The following ELOVL6 variants were observed in gnomAD, a reference collection of about 807,000 sequenced individuals.
The protein encoded by ELOVL6 is very long chain fatty acid elongase 6.
ELOVL6 carries 8 observed loss-of-function variants against 31.7 expected under a neutral mutation model. The ratio of observed to expected loss-of-function variants is 0.25; its 90% CI spans 0.15 to 0.45. The LOEUF (loss-of-function observed/expected upper bound fraction) is 0.45. ELOVL6 is among the 20% of genes least tolerant of loss of function. ELOVL6 has a pLI of 1.00. For synonymous variants in ELOVL6, 101 were observed against 117.7 expected (o/e 0.86, Z 0.92); for missense variants, 126 against 326.4 (o/e 0.39, Z 4.73).
At chr4:110,171,113 T>C (rs1386803763) in intron 1 of ELOVL6, among the ~76,000 whole-genome samples, 3 of 152,136 alleles carry the variant, frequency 2.0e-5, no homozygotes, top group Non-Finnish European at 4.4e-5. Flanking sequence ...GCTCAGTCAA[T>C]GAGTATTAGG....
At chr4:110,063,747 C>CT (rs1324546139) in intron 2 of ELOVL6, among the ~76,000 whole-genome samples, 4 of 123,706 alleles carry the variant, frequency 3.2e-5, no homozygotes, top group African/African-American at 1.2e-4. Flanking sequence ...TATGGTCATA[C>CT]TTTAAAAAAA....
intron 1 of ELOVL6, among the ~76,000 whole-genome samples, chr4:110,130,771 C>T (rs895875615): frequency 1.3e-5 from 2 of 152,220 alleles, no homozygotes; most frequent in Admixed American, 6.5e-5. Flanking sequence ...GAAGCTCAAC[C>T]TGTCTGGCAG....
chr4:110,129,891 A>ATTTTTTTTT (rs371838858), intron 1 of ELOVL6, among the ~76,000 whole-genome samples: 9 of 93,530 alleles, frequency 9.6e-5, no homozygotes, highest in East Asian at 7.2e-4. Flanking sequence ...ATCCAATCCA[A>ATTTTTTTTT]TTTTTTTTTT....
chr4:110,122,347 C>CCT (rs1757379505), intron 1 of ELOVL6, among the ~76,000 whole-genome samples: 6 of 152,270 alleles, frequency 3.9e-5, no homozygotes, highest in Admixed American at 1.3e-4. Context: ...GGAATTTTAA[C>CCT]AGATTTGGCA....
intron 2 of ELOVL6, among the ~76,000 whole-genome samples, chr4:110,087,144 C>A (rs1756289907): frequency 6.6e-6 from 1 of 152,050 alleles, no homozygotes; most frequent in South Asian, 2.1e-4. Flanking sequence ...ATATAAATTT[C>A]CTATTCAATA....
intron 1 of ELOVL6, among the ~76,000 whole-genome samples, chr4:110,107,247 A>G (rs967318795): frequency 6.6e-6 from 1 of 152,216 alleles, no homozygotes; most frequent in Non-Finnish European, 1.5e-5. Context: ...AAATCAACCC[A>G]TAAGTAAATG....
At position 110,184,672 on chromosome 4, in the gene ELOVL6, G is replaced by C. The variant is rs537004394; in HGVS notation, c.89+13575C>G. On this transcript the variant is annotated intron_variant, in intron 1 of 3. Coordinates refer to ENST00000302274, the MANE Select transcript of ELOVL6 (RefSeq NM_024090.3). ...AAGTCAGTGGCAAGCACAATGAACCGAGAAAAAGGGAACTGACAGCCAACT... is the reference window on the plus strand; with the variant it reads ...AAGTCAGTGGCAAGCACAATGAACCCAGAAAAAGGGAACTGACAGCCAACT... Among the ~76,000 whole-genome samples, 3 of 152,254 alleles carry C rather than the reference G, an allele frequency of 2.0e-5. No homozygotes were observed. The South Asian group carries it at 6.2e-4, about 32-fold the overall frequency.
chr4:110,131,934 C>T (rs933967002), intron 1 of ELOVL6, among the ~76,000 whole-genome samples: 1 of 152,050 alleles, frequency 6.6e-6, no homozygotes, highest in East Asian at 1.9e-4. Flanking sequence ...CTGAAATGGC[C>T]AGTTTTTAAG....
chr4:110,063,140 C>A (rs976659596), intron 2 of ELOVL6, among the ~76,000 whole-genome samples: 5 of 152,292 alleles, frequency 3.3e-5, no homozygotes, highest in African/African-American at 1.2e-4. Flanking sequence ...TTAATTAACC[C>A]TAATTCAAAG....
intron 1 of ELOVL6, among the ~76,000 whole-genome samples, chr4:110,166,256 T>C (rs1758769513): frequency 6.6e-6 from 1 of 152,206 alleles, no homozygotes; most frequent in African/African-American, 2.4e-5. Flanking sequence ...TGGTTTGTTC[T>C]TAACTTACTT....
intron 2 of ELOVL6, among the ~76,000 whole-genome samples, chr4:110,089,498 T>A (rs1394947121): frequency 6.6e-6 from 1 of 152,170 alleles, no homozygotes. Flanking sequence ...GAGGGATGAC[T>A]GTACATACAG....
At chr4:110,090,600 C>CTTTTTTTTTTTTTTTTTTTTTTT (rs544234717) in intron 2 of ELOVL6, among the ~76,000 whole-genome samples, 10 of 103,718 alleles carry the variant, frequency 9.6e-5, no homozygotes, top group Non-Finnish European at 1.4e-4. Context: ...GTTTGACTTT[C>CTTTTTTTTTTTTTTTTTTTTTTT]TTTTTTTTTT....
intron 3 of ELOVL6, among the ~76,000 whole-genome samples, chr4:110,054,477 G>A (rs1754923052): frequency 6.6e-6 from 1 of 152,170 alleles, no homozygotes; most frequent in Non-Finnish European, 1.5e-5. Context: ...AGATGTCCAA[G>A]ATACTGTATG....
chr4:110,192,151 T>C (rs564703787), intron 1 of ELOVL6, among the ~76,000 whole-genome samples: 1 of 143,786 alleles, frequency 7.0e-6, no homozygotes, highest in Admixed American at 7.2e-5. Context: ...GATGGAACAA[T>C]TGCACTCCAG....
chr4:110,169,654 A>T (rs1758885639), intron 1 of ELOVL6, among the ~76,000 whole-genome samples: 1 of 152,184 alleles, frequency 6.6e-6, no homozygotes, highest in African/African-American at 2.4e-5. Flanking sequence ...GTGTGAGCAC[A>T]CACAGGTGTT....
At position 110,105,643 on chromosome 4, in the gene ELOVL6, A is replaced by G; in HGVS notation, c.90-15T>C. The G allele has an allele frequency of 6.2e-7, 1 of 1,606,226 alleles. No homozygotes were observed. The highest frequency in any genetic ancestry group is 8.5e-7 in the Non-Finnish European group (1 of 1,176,348). Reference sequence around the variant, plus strand: ...AAGATTTCTTCCTGCAAACAAGCAAACAAAATCTTTAAGATATTTTTAGTC... The same window carrying G: ...AAGATTTCTTCCTGCAAACAAGCAAGCAAAATCTTTAAGATATTTTTAGTC... On this transcript the variant is annotated splice_polypyrimidine_tract_variant and intron_variant, in intron 1 of 3. Transcript: ENST00000302274.
intron 1 of ELOVL6, among the ~76,000 whole-genome samples, chr4:110,189,844 G>A (rs1349711657): frequency 6.6e-6 from 1 of 151,752 alleles, no homozygotes; most frequent in Non-Finnish European, 1.5e-5. Context: ...GTGGGCGCCT[G>A]TAGTCCCAGC....
At chr4:110,080,314 C>G (rs1165867316) in intron 2 of ELOVL6, among the ~76,000 whole-genome samples, 1 of 152,154 alleles carries the variant, frequency 6.6e-6, no homozygotes, top group African/African-American at 2.4e-5. Context: ...ACCAATATCC[C>G]TGATGAACAT....
chr4:110,095,127 A>T (rs1756541798), intron 2 of ELOVL6, among the ~76,000 whole-genome samples: 1 of 152,230 alleles, frequency 6.6e-6, no homozygotes, highest in Non-Finnish European at 1.5e-5. Context: ...GCAATAACTA[A>T]GATTTACAGA....
Sources: allele counts gnomAD v4.1 joint callset (sites outside exome capture counted in the v4.1 genomes callset), GRCh38; gene constraint gnomAD v4.1.1; transcripts MANE v1.5; gene names NCBI Gene and HGNC (gene_info 2026-07-23, HGNC 2026-07-21).